Variants in ZNF519 observed in about 807,000 individuals in gnomAD.
ZNF519 encodes zinc finger protein 519.
ZNF519 carries 7 observed loss-of-function variants against 7.4 expected under a neutral mutation model. The ratio of observed to expected loss-of-function variants is 0.94; its 90% CI spans 0.54 to 1.77. ZNF519 has a LOEUF of 1.77. Among genes scored for constraint, ZNF519 ranks in the 40% most tolerant of loss-of-function variants. The probability of loss-of-function intolerance (pLI) is 0.00; values close to 1 mark genes in which losing one functional copy is unlikely to be tolerated. For synonymous variants in ZNF519, 179 were observed against 203.3 expected, an observed-to-expected ratio of 0.88 and a Z score of 1.02; for missense variants, 586 against 623.1, an observed-to-expected ratio of 0.94 and a Z score of 0.63.
At chr18:14,081,713 C>T (rs1008591190) in intron 3 of ZNF519, among the ~76,000 whole-genome samples, 1 of 152,058 alleles carries the variant, frequency 6.6e-6, no homozygotes, top group Non-Finnish European at 1.5e-5. Flanking sequence ...ATGGTGTACA[C>T]AAGAAGACTG....
intron 2 of ZNF519, among the ~76,000 whole-genome samples, chr18:14,093,936 C>T (rs540991482): frequency 5.3e-5 from 8 of 152,332 alleles, no homozygotes; most frequent in East Asian, 1.9e-4. Flanking sequence ...AATATGTTAA[C>T]GAGATAGCTT....
At position 14,105,045 on chromosome 18, in the gene ZNF519, T is replaced by C; in HGVS notation, c.1495A>G (p.Arg499Gly). The part of the protein sequence containing the change: ...KCKECGKAFT[R>G]SSHLTQHQRI... ...TGATGTTGAGTAAGGTGTGAGCTCCTGGTAAAAGCTTTGCCACATTCTTTA... is the reference window on the plus strand; with the variant it reads ...TGATGTTGAGTAAGGTGTGAGCTCCCGGTAAAAGCTTTGCCACATTCTTTA... The change falls in exon 3 of 3, where the codon AGG becomes GGG. Residue 499 changes from arginine (R) to glycine (G), a missense_variant. Arg to Gly is a moderately radical substitution (Grantham distance 125, BLOSUM62 -2). Coordinates refer to ENST00000590202, the MANE Select transcript of ZNF519 (RefSeq NM_145287.4). 2 of 1,606,364 alleles carry C rather than the reference T, an allele frequency of 1.2e-6. No homozygotes were observed. The highest frequency in any genetic ancestry group is 1.7e-6 in the Non-Finnish European group (2 of 1,174,848).
intron 3 of ZNF519, among the ~76,000 whole-genome samples, chr18:14,081,907 A>C (rs1598506971): frequency 2.0e-5 from 3 of 152,184 alleles, no homozygotes; most frequent in Admixed American, 6.5e-5. Context: ...TTTATGCCAG[A>C]TACAGTTTCT....
chr18:14,126,010 G>A (rs947899115), intron 1 of ZNF519, among the ~76,000 whole-genome samples: 1 of 152,032 alleles, frequency 6.6e-6, no homozygotes, highest in Non-Finnish European at 1.5e-5. Context: ...AGAATTTAAG[G>A]CCCCAAAGTA....
downstream of ZNF519, chr18:14,075,986 A>T (rs1266530339): frequency 6.6e-6 from 1 of 152,110 alleles, no homozygotes; most frequent in African/African-American, 2.4e-5. Context: ...AACATTTACA[A>T]TGATTCTACA....
chr18:14,115,707 A>G (rs1242478267), intron 2 of ZNF519, among the ~76,000 whole-genome samples: 1 of 152,220 alleles, frequency 6.6e-6, no homozygotes, highest in Non-Finnish European at 1.5e-5. Context: ...CAAATATACA[A>G]ATAAATAATA....
intron 2 of ZNF519, among the ~76,000 whole-genome samples, chr18:14,114,165 T>C (rs2046235329): frequency 6.6e-6 from 1 of 152,188 alleles, no homozygotes; most frequent in South Asian, 2.1e-4. Context: ...TGTCCATTTT[T>C]GCTTTGGTTG....
intron 2 of ZNF519, among the ~76,000 whole-genome samples, chr18:14,115,039 C>T (rs1352260587): frequency 1.3e-5 from 2 of 152,138 alleles, no homozygotes; most frequent in Non-Finnish European, 2.9e-5. Flanking sequence ...TAGATATATG[C>T]ACTTAACACC....
intron 3 of ZNF519, among the ~76,000 whole-genome samples, chr18:14,081,566 C>A (rs1243841677): frequency 1.3e-5 from 2 of 152,090 alleles, no homozygotes; most frequent in Non-Finnish European, 2.9e-5. Flanking sequence ...CTGTGATGTT[C>A]TGCAGTCTCT....
intron 2 of ZNF519, 121 bp downstream of exon 2, chr18:14,124,229 T>C: frequency 1.0e-6 from 1 of 991,860 alleles, no homozygotes; most frequent in Non-Finnish European, 1.4e-6. Flanking sequence ...TCCCATTTTT[T>C]CTTGAAGAAA....
intron 2 of ZNF519, among the ~76,000 whole-genome samples, chr18:14,087,511 C>G (rs754021632): frequency 1.3e-5 from 2 of 152,148 alleles, no homozygotes; most frequent in African/African-American, 2.4e-5. Flanking sequence ...TGAACTGTAA[C>G]CCACTGTTTA....
intron 2 of ZNF519, among the ~76,000 whole-genome samples, chr18:14,092,725 T>C (rs1435048226): frequency 2.0e-5 from 3 of 151,992 alleles, no homozygotes; most frequent in Non-Finnish European, 4.4e-5. Context: ...TGCATATATA[T>C]GTACATCCTG....
chr18:14,071,247 TC>T (rs1200195737), downstream of ZNF519: 2 of 152,086 alleles, frequency 1.3e-5, no homozygotes, highest in African/African-American at 2.4e-5. Context: ...GGTTAAATAT[TC>T]GGGGGGAAAA....
intron 2 of ZNF519, among the ~76,000 whole-genome samples, chr18:14,120,035 G>A (rs1222389804): frequency 1.3e-5 from 2 of 152,148 alleles, no homozygotes; most frequent in Non-Finnish European, 2.9e-5. Context: ...ATTTTCAACA[G>A]TAATAGAAAA....
At chr18:14,098,742 T>A (rs1353163540), downstream of ZNF519, among the ~76,000 whole-genome samples, 1 of 152,172 alleles carries the variant, frequency 6.6e-6, no homozygotes, top group Non-Finnish European at 1.5e-5. Flanking sequence ...ACAACAGACA[T>A]TTGCAACGTC....
intron 2 of ZNF519, among the ~76,000 whole-genome samples, chr18:14,088,946 T>A (rs1187306383): frequency 2.6e-5 from 4 of 151,430 alleles, no homozygotes; most frequent in African/African-American, 9.8e-5. Context: ...ATGTAAGATA[T>A]GTTTTTGGAA....
chr18:14,090,788 GAA>G (rs1405798449), intron 2 of ZNF519: 6 of 152,234 alleles, frequency 3.9e-5, no homozygotes, highest in African/African-American at 1.4e-4. Flanking sequence ...CAAGAAATGT[GAA>G]AGTTTCTCAG....
At chr18:14,075,563 T>C (rs2046044602), downstream of ZNF519, 1 of 152,238 alleles carries the variant, frequency 6.6e-6, no homozygotes. Context: ...GGGGCTCCTT[T>C]ATAAAGTATC....
intron 2 of ZNF519, among the ~76,000 whole-genome samples, chr18:14,114,453 T>C (rs912990807): frequency 1.3e-5 from 2 of 152,212 alleles, no homozygotes; most frequent in Non-Finnish European, 2.9e-5. Context: ...TATAGCTATA[T>C]GGATTTATCT....
Sources: gnomAD v4.1 joint callset for allele counts (sites outside exome capture counted in the v4.1 genomes callset) on GRCh38, gnomAD v4.1.1 for gene constraint, MANE v1.5 for transcripts, NCBI Gene and HGNC (gene_info 2026-07-23, HGNC 2026-07-21) for gene names.